Variants in MGST1 observed in about 807,000 individuals in gnomAD.
The protein encoded by MGST1 is microsomal glutathione S-transferase 1, also known as glutathione S-transferase 12.
MGST1 carries 5 observed loss-of-function variants against 8.9 expected under a neutral mutation model. That is an observed-to-expected ratio of 0.56 (90% CI 0.29 to 1.19). The LOEUF is 1.19. MGST1 is among the 50% of genes most tolerant of loss of function. MGST1 has a pLI of 0.08. For missense variants in MGST1, 182 were observed against 187.4 expected (o/e 0.97, Z 0.17); for synonymous variants, 54 against 67.8 (o/e 0.80, Z 1.00).
chr12:16,370,526 A>G (rs1236360130), intron 3 of MGST1: 6 of 152,162 alleles, frequency 3.9e-5, no homozygotes, highest in African/African-American at 1.2e-4. Context: ...TATGGGTTGT[A>G]TATTAATCAT....
chr12:16,411,846 T>C (rs1007759919), intron 1 of MGST1, among the ~76,000 whole-genome samples: 8 of 152,158 alleles, frequency 5.3e-5, no homozygotes, highest in African/African-American at 1.9e-4. Flanking sequence ...ATGTCTGCCT[T>C]AATATTCAGG....
Position 16,369,702 on chromosome 12 carries a change from C to T in MGST1, c.222-6420C>T, listed in dbSNP as rs10744119. ...TTGAATTGTTGCAGTGGAGACCACACGGCTCACAAAACCAAAAATATTTAC... is the reference window on the plus strand; with the variant it reads ...TTGAATTGTTGCAGTGGAGACCACATGGCTCACAAAACCAAAAATATTTAC... On this transcript the variant is annotated intron_variant, in intron 3 of 3. Transcript: ENST00000535309. The surrounding 1 kb of genome is among the most constrained non-coding windows in gnomAD (Gnocchi z 4.8). 0.27 allele frequency: 41,389 copies of T among 152,040 alleles called. 5,868 individuals carry two copies. The highest frequency in any genetic ancestry group is 0.31 in the Non-Finnish European group (21,054 of 67,966). 9.4% of individuals were successfully genotyped at this position (152,040 alleles called of 1,614,324 possible). A position where few individuals can be genotyped will look rare whatever the true frequency, so the allele number is the denominator to read the frequency against.
At chr12:16,483,978 A>C (rs1217377326) in intron 4 of MGST1, among the ~76,000 whole-genome samples, 1 of 152,230 alleles carries the variant, frequency 6.6e-6, no homozygotes, top group Admixed American at 6.5e-5. Context: ...ATTTCAAAAA[A>C]GTAATATCAT....
At chr12:16,488,293 G>A (rs1163343236) in intron 4 of MGST1, among the ~76,000 whole-genome samples, 5 of 152,066 alleles carry the variant, frequency 3.3e-5, no homozygotes, top group Admixed American at 2.6e-4. Context: ...CACTACTTGA[G>A]TAGTGATAGA....
intron 4 of MGST1, among the ~76,000 whole-genome samples, chr12:16,465,952 T>G (rs1176999205): frequency 6.6e-6 from 1 of 152,212 alleles, no homozygotes; most frequent in Non-Finnish European, 1.5e-5. Context: ...TTGGCCCTTT[T>G]TTCTTTGTAT....
intron 1 of MGST1, chr12:16,400,919 A>G: frequency 1.6e-6 from 2 of 1,274,102 alleles, no homozygotes; most frequent in East Asian, 4.6e-5. Context: ...AGCTTTCTGA[A>G]TCTCCTGTTC....
In MGST1 at chr12:16,362,431, A is replaced by G. The variant is rs920871663; in HGVS notation, c.222-1364A>G. The G allele has an allele frequency of 1.3e-5, 2 of 152,152 alleles. No individual in the cohort carries two copies. Among genetic ancestry groups the G allele is most frequent in the African/African-American group, 4.8e-5 (2 of 41,438 alleles). 9.4% of individuals were successfully genotyped at this position (152,152 alleles called of 1,614,324 possible). The stretch of plus-strand genomic sequence containing the variant: ...TTAGAGATAATCTAGGGAAGACAAG[A>G]CAAAGGAAAGGAGAGGAGGAGAGTG... On this transcript the variant is annotated intron_variant, in intron 3 of 3. Transcript: ENST00000396210. The surrounding 1 kb of genome is among the most constrained non-coding windows in gnomAD (Gnocchi z 4.4).
chr12:16,558,744 G>GAAAC (rs1354519855), intron 4 of MGST1, among the ~76,000 whole-genome samples: 2 of 152,114 alleles, frequency 1.3e-5, no homozygotes, highest in Admixed American at 1.3e-4. Context: ...CATTTAGCAA[G>GAAAC]AAACACTATT....
chr12:16,471,991 C>T lies in MGST1; in HGVS notation n.482+88387C>T, dbSNP rs1246927310. ...CCGCTCCACATACTCACACATTTCC[C>T]CAGTGCTCCAGGCATTTTGAACTGT... is the stretch of plus-strand genomic sequence containing the variant. On this transcript the variant is annotated intron_variant and non_coding_transcript_variant, in intron 4 of 4. Transcript: ENST00000538857. Among the ~76,000 whole-genome samples, 9 of 152,008 alleles carry T rather than the reference C, an allele frequency of 5.9e-5. No individual in the cohort carries two copies. The East Asian group carries it at 1.7e-3, about 29-fold the overall frequency.
intron 1 of MGST1, among the ~76,000 whole-genome samples, chr12:16,433,517 C>G (rs1465387310): frequency 6.6e-6 from 1 of 152,070 alleles, no homozygotes; most frequent in African/African-American, 2.4e-5. Flanking sequence ...CAAAGGCAAT[C>G]AGGCAGTAGA....
intron 4 of MGST1, among the ~76,000 whole-genome samples, chr12:16,566,850 T>C (rs1942633773): frequency 6.6e-6 from 1 of 152,058 alleles, no homozygotes; most frequent in African/African-American, 2.4e-5. Context: ...CTACACTGAA[T>C]GAAAAGGAAA....
At chr12:16,448,529 G>A (rs900629701) in intron 4 of MGST1, among the ~76,000 whole-genome samples, 2 of 151,788 alleles carry the variant, frequency 1.3e-5, no homozygotes, top group African/African-American at 2.4e-5. Context: ...TTTTCATAGT[G>A]ATGGAGATTT....
In MGST1 at chr12:16,560,815, G is replaced by C; in HGVS notation, n.483-28713G>C. ...CTGCACATAAACAGAAGTCAATGGG[G>C]GTGAATTCATAGCAAAAATCTCTGG... On this transcript the variant is annotated intron_variant and non_coding_transcript_variant, in intron 4 of 4. Transcript: ENST00000538857. This position sits in a 1 kb window ranked among gnomAD's most constrained non-coding sequence, Gnocchi z 5.0. 1 of 442,852 alleles carries C rather than the reference G, an allele frequency of 2.3e-6. No individual in the cohort carries two copies. Among genetic ancestry groups the C allele is most frequent in the Non-Finnish European group, 4.2e-6 (1 of 235,472 alleles). The allele number at this position is 442,852 out of a possible 1,614,324, so 27.4% of individuals were successfully genotyped here.
intron 4 of MGST1, among the ~76,000 whole-genome samples, chr12:16,488,929 T>G (rs1273617223): frequency 1.3e-5 from 2 of 151,894 alleles, no homozygotes; most frequent in Non-Finnish European, 2.9e-5. Context: ...GGCAACATAG[T>G]GAGACCCCAT....
chr12:16,360,879 T>C (rs1242550121), intron 3 of MGST1, among the ~76,000 whole-genome samples: 3 of 152,102 alleles, frequency 2.0e-5, no homozygotes, highest in Non-Finnish European at 4.4e-5. Flanking sequence ...AACACACATA[T>C]ATGGAGAGAT....
chr12:16,364,233 G>A lies in MGST1; in HGVS notation c.*192G>A. On this transcript the variant is annotated 3_prime_UTR_variant, in exon 4 of 4. Transcript: ENST00000396210. The surrounding 1 kb of genome is among the most constrained non-coding windows in gnomAD (Gnocchi z 5.7). Reference sequence around the variant, plus strand: ...ACATTTGGATTAGAAATTTAACATAGTAATTCTTAAGTCTTTTGTCTGATT... The same window carrying A: ...ACATTTGGATTAGAAATTTAACATAATAATTCTTAAGTCTTTTGTCTGATT... The A allele has an allele frequency of 7.8e-7, 1 of 1,275,074 alleles. No homozygotes were observed. The highest frequency in any genetic ancestry group is 2.9e-5 in the East Asian group (1 of 34,446). 79.0% of individuals were successfully genotyped at this position (1,275,074 alleles called of 1,614,324 possible).
chr12:16,432,694 A>T (rs967131255), intron 1 of MGST1, among the ~76,000 whole-genome samples: 1 of 134,516 alleles, frequency 7.4e-6, no homozygotes, highest in Non-Finnish European at 1.6e-5. Flanking sequence ...ACACACACAC[A>T]CACACACACA....
intron 2 of MGST1, among the ~76,000 whole-genome samples, chr12:16,355,535 T>C: frequency 6.6e-6 from 1 of 152,126 alleles, no homozygotes; most frequent in East Asian, 1.9e-4. Flanking sequence ...GATGTTTGCA[T>C]TTTAATGGAG....
At chr12:16,371,236 A>G (rs7313177) in intron 3 of MGST1, among the ~76,000 whole-genome samples, 43,739 of 151,918 alleles carry the variant, frequency 0.29, 6,450 homozygotes, top group Non-Finnish European at 0.31. Flanking sequence ...TTGACTCTAT[A>G]AATTAGTTAG....
Sources: gnomAD v4.1 joint callset for allele counts (sites outside exome capture counted in the v4.1 genomes callset) on GRCh38, gnomAD v4.1.1 for gene constraint, Gnocchi (gnomAD v3.1) non-coding constraint, MANE v1.5 for transcripts, NCBI Gene and HGNC (gene_info 2026-07-23, HGNC 2026-07-21) for gene names.